Variants in COL8A1 observed in about 807,000 individuals in gnomAD.
COL8A1 encodes the protein collagen type VIII alpha 1 chain.
A neutral mutation model predicts 42.7 loss-of-function variants in COL8A1; 21 were observed. The ratio of observed to expected loss-of-function variants is 0.49; its 90% CI spans 0.35 to 0.71. COL8A1 has a LOEUF of 0.71. COL8A1 is among the 30% of genes least tolerant of loss of function. The pLI is 0.01. For missense variants in COL8A1, 788 were observed against 962.4 expected (o/e 0.82, Z 2.40); for synonymous variants, 367 against 369.1 (o/e 0.99, Z 0.06).
intron 1 of COL8A1, among the ~76,000 whole-genome samples, chr3:99,669,690 A>G (rs1445390419): frequency 6.6e-6 from 1 of 152,120 alleles, no homozygotes; most frequent in Non-Finnish European, 1.5e-5. Context: ...TAATAACCAT[A>G]TAAGTCAACC....
chr3:99,796,872 C>T lies in COL8A1; in HGVS notation c.*736C>T, dbSNP rs1330408844. 1 of 152,194 alleles carries T rather than the reference C, an allele frequency of 6.6e-6. No homozygotes were observed. Among genetic ancestry groups the T allele is most frequent in the African/African-American group, 2.4e-5 (1 of 41,456 alleles). 9.4% of individuals were successfully genotyped at this position (152,194 alleles called of 1,614,324 possible). ...TTGTGGAGCATTAGACAGTAACCCT[C>T]AAGGAGCTAGAGAACCGGATGGGAG... On this transcript the variant is annotated 3_prime_UTR_variant, in exon 4 of 4. Coordinates refer to ENST00000652472, the MANE Select transcript of COL8A1 (RefSeq NM_020351.4).
rs1402426360 is a variant in COL8A1 at position 99,797,657 on chromosome 3, T to G, written c.*1521T>G. On this transcript the variant is annotated 3_prime_UTR_variant, in exon 4 of 4. Coordinates refer to ENST00000652472, the MANE Select transcript of COL8A1 (RefSeq NM_020351.4). ...AAAAATTAATATTTGAAAAAATAAT[T>G]CTGAAATTTCGAATTTAAAAACAGA... is the stretch of plus-strand genomic sequence containing the variant. The G allele has an allele frequency of 2.0e-5, 3 of 152,138 alleles. No individual in the cohort carries two copies. Among genetic ancestry groups the G allele is most frequent in the Non-Finnish European group, 4.4e-5 (3 of 68,022 alleles). The allele number at this position is 152,138 out of a possible 1,614,324, so 9.4% of individuals were successfully genotyped here.
intron 1 of COL8A1, among the ~76,000 whole-genome samples, chr3:99,717,685 C>G (rs1401792206): frequency 6.6e-6 from 1 of 151,878 alleles, no homozygotes; most frequent in Non-Finnish European, 1.5e-5. Context: ...AGCCCAAACC[C>G]CAATTAGGTA....
chr3:99,765,054 G>T (rs1163269530), intron 2 of COL8A1, among the ~76,000 whole-genome samples: 1 of 151,948 alleles, frequency 6.6e-6, no homozygotes, highest in South Asian at 2.1e-4. Flanking sequence ...AATAATAATA[G>T]TTAACAGAAA....
At chr3:99,746,447 G>A (rs1050846296) in intron 2 of COL8A1, among the ~76,000 whole-genome samples, 3 of 152,144 alleles carry the variant, frequency 2.0e-5, no homozygotes, top group African/African-American at 7.2e-5. Flanking sequence ...TGTAATTGTT[G>A]CAACCAGTGA....
chr3:99,726,471 C>T (rs1184639093), intron 1 of COL8A1, among the ~76,000 whole-genome samples: 1 of 151,510 alleles, frequency 6.6e-6, no homozygotes, highest in Non-Finnish European at 1.5e-5. Context: ...ATGTTTTAGA[C>T]ATGAAGTCCT....
In COL8A1 at chr3:99,773,989, C is replaced by T. The variant is rs181721089; in HGVS notation, c.-3-16691C>T. On this transcript the variant is annotated intron_variant, in intron 2 of 3. Transcript: ENST00000652472. ...CTTCCTGAGTAGCTGGGATTACAGG[C>T]GCCCACCACCACGCCCAGCTAATTT... 3.5e-3 allele frequency among the ~76,000 whole-genome samples: 530 copies of T among 149,408 alleles called. 4 individuals carry two copies. The highest frequency in any genetic ancestry group is 0.012 in the African/African-American group (483 of 40,588).
At position 99,796,379 on chromosome 3, in the gene COL8A1, G is replaced by A; in HGVS notation, c.*243G>A. The A allele has an allele frequency of 2.8e-6, 1 of 359,506 alleles. No individual in the cohort carries two copies. The highest frequency in any genetic ancestry group is 5.0e-6 in the Non-Finnish European group (1 of 198,570). 22.3% of individuals were successfully genotyped at this position (359,506 alleles called of 1,614,324 possible). A position where few individuals can be genotyped will look rare whatever the true frequency, so the allele number is the denominator to read the frequency against. Reference sequence around the variant, plus strand: ...ATGTATCAAGTACTGACACTTGGTTGTACCCACTGGAATCATATTAGCTGT... The same window carrying A: ...ATGTATCAAGTACTGACACTTGGTTATACCCACTGGAATCATATTAGCTGT... On this transcript the variant is annotated 3_prime_UTR_variant, in exon 4 of 4. Coordinates refer to ENST00000652472, the MANE Select transcript of COL8A1 (RefSeq NM_020351.4).
intron 1 of COL8A1, among the ~76,000 whole-genome samples, chr3:99,653,906 G>A (rs150706353): frequency 1.3e-5 from 2 of 152,192 alleles, no homozygotes; most frequent in Non-Finnish European, 2.9e-5. Context: ...AGTTTATTAA[G>A]GATTACTGGC....
chr3:99,795,863 C>T lies in COL8A1; in HGVS notation c.1962C>T (p.Thr654=), dbSNP rs770795680. The part of the protein sequence containing the change: ...QNYNPQTGIF[T]CEVPGVYYFA... The stretch of plus-strand genomic sequence containing the variant: ...ACAACCCGCAGACAGGCATCTTCAC[C>T]TGTGAGGTCCCTGGTGTCTACTACT... Residue 654 remains threonine (T), a synonymous_variant, in exon 4 of 4, where the codon ACC becomes ACT. Transcript: ENST00000652472. The T allele has an allele frequency of 5.6e-6, 9 of 1,614,098 alleles. No homozygotes were observed. The South Asian group carries it at 9.9e-5, about 18-fold the overall frequency.
rs79755336 is a variant in COL8A1, at chr3:99,674,445, A to T, written c.-129+35781A>T. On this transcript the variant is annotated intron_variant, in intron 1 of 3. Transcript: ENST00000652472. ...GATAAAGTGTATTGTCTCCTTTTTT[A>T]AAAAAAAAAAAGCCTTGAAGGTGTG... Among the ~76,000 whole-genome samples the T allele has an allele frequency of 5.6e-3, 715 of 128,732 alleles. 5 individuals carry two copies. The highest frequency in any genetic ancestry group is 0.015 in the African/African-American group (488 of 33,060). The allele number at this position is 128,732 out of a possible 152,430, so 84.5% of individuals were successfully genotyped here.
intron 1 of COL8A1, among the ~76,000 whole-genome samples, chr3:99,675,920 A>G (rs1262951671): frequency 6.6e-6 from 1 of 152,068 alleles, no homozygotes; most frequent in Non-Finnish European, 1.5e-5. Context: ...CTCTTCAATG[A>G]CATAAATAAA....
chr3:99,780,794 C>CGA, intron 2 of COL8A1, among the ~76,000 whole-genome samples: 1 of 152,150 alleles, frequency 6.6e-6, no homozygotes, highest in Non-Finnish European at 1.5e-5. Context: ...GAAAAATGTT[C>CGA]AGTGGATTAA....
At chr3:99,666,926 G>A (rs1247457808) in intron 1 of COL8A1, among the ~76,000 whole-genome samples, 1 of 152,110 alleles carries the variant, frequency 6.6e-6, no homozygotes, top group African/African-American at 2.4e-5. Context: ...ACAGGACCAG[G>A]ATAATTTATT....
intron 2 of COL8A1, among the ~76,000 whole-genome samples, chr3:99,751,615 G>T (rs556897425): frequency 6.6e-6 from 1 of 152,228 alleles, no homozygotes; most frequent in East Asian, 1.9e-4. Flanking sequence ...ATATCTTAAA[G>T]AATCCAGAAA....
chr3:99,673,669 A>T, intron 1 of COL8A1, among the ~76,000 whole-genome samples: 1 of 151,938 alleles, frequency 6.6e-6, no homozygotes, highest in South Asian at 2.1e-4. Flanking sequence ...TAAGATAATT[A>T]TTAGTTTTGG....
intron 1 of COL8A1, chr3:99,675,589 T>C (rs555345625): frequency 6.6e-6 from 1 of 152,608 alleles, no homozygotes; most frequent in South Asian, 2.1e-4. Context: ...AGTTAAAATG[T>C]CTGACACCAG....
chr3:99,640,845 T>C (rs1463060196), intron 1 of COL8A1, among the ~76,000 whole-genome samples: 2 of 152,196 alleles, frequency 1.3e-5, no homozygotes, highest in East Asian at 3.9e-4. Flanking sequence ...ATACTTCACG[T>C]GAGTCTCCTC....
At chr3:99,738,311 G>A (rs1203871735) in intron 1 of COL8A1, among the ~76,000 whole-genome samples, 2 of 152,200 alleles carry the variant, frequency 1.3e-5, no homozygotes, top group African/African-American at 2.4e-5. Flanking sequence ...CTGATTTTTA[G>A]AGTTTCCAGT....
Sources: allele counts gnomAD v4.1 joint callset (sites outside exome capture counted in the v4.1 genomes callset), GRCh38; gene constraint gnomAD v4.1.1; transcripts MANE v1.5; gene names NCBI Gene and HGNC (gene_info 2026-07-23, HGNC 2026-07-21).